Variants in STK33 observed in about 807,000 individuals in gnomAD.
STK33 encodes the protein serine/threonine kinase 33.
A neutral mutation model predicts 58.0 loss-of-function variants in STK33; 52 were observed. The observed-to-expected ratio is 0.90, with a 90% confidence interval of 0.72 to 1.13. The LOEUF is 1.13. STK33 is among the 50% of genes most tolerant of loss of function. The pLI is 0.00. For missense variants in STK33, 630 were observed against 604.2 expected (o/e 1.04, Z -0.45); for synonymous variants, 215 against 200.1 (o/e 1.07, Z -0.63).
chr11:8,527,134 T>C (rs1427780660), intron 1 of STK33, among the ~76,000 whole-genome samples: 1 of 151,824 alleles, frequency 6.6e-6, no homozygotes, highest in Non-Finnish European at 1.5e-5. Flanking sequence ...CTAACATATA[T>C]ATATATATAG....
At chr11:8,495,076 A>G (rs1366335456) in intron 1 of STK33, among the ~76,000 whole-genome samples, 1 of 152,212 alleles carries the variant, frequency 6.6e-6, no homozygotes, top group African/African-American at 2.4e-5. Context: ...AATGGCAACA[A>G]AAGCCGAAAT....
chr11:8,588,883 T>G (rs878984410), intron 1 of STK33, among the ~76,000 whole-genome samples: 2 of 152,140 alleles, frequency 1.3e-5, no homozygotes, highest in African/African-American at 4.8e-5. Context: ...AAAGAAGATA[T>G]ACAAATTGCA....
chr11:8,437,138 A>T (rs934290322), intron 12 of STK33, among the ~76,000 whole-genome samples: 1 of 152,252 alleles, frequency 6.6e-6, no homozygotes, highest in Non-Finnish European at 1.5e-5. Flanking sequence ...TTGGCCTGAA[A>T]GGGTGAAAGC....
intron 11 of STK33, among the ~76,000 whole-genome samples, chr11:8,444,698 C>A (rs118131354): frequency 0.053 from 8,062 of 151,828 alleles, 289 homozygotes; most frequent in Non-Finnish European, 0.071. Flanking sequence ...ATAAAAGAAA[C>A]AATTTTCTAG....
chr11:8,346,851 G>T, the STK33 span, among the ~76,000 whole-genome samples: 2 of 152,202 alleles, frequency 1.3e-5, no homozygotes, highest in African/African-American at 2.4e-5. Context: ...GTACAGGAAG[G>T]CCCGAGCTCT....
chr11:8,391,037 C>T (rs934055356), downstream of STK33, among the ~76,000 whole-genome samples: 2 of 152,164 alleles, frequency 1.3e-5, no homozygotes, highest in Admixed American at 6.5e-5. Flanking sequence ...TGCTTCTCCC[C>T]GCCGGAGGTG....
chr11:8,406,206 T>C (rs1257343248), intron 15 of STK33, among the ~76,000 whole-genome samples: 1 of 150,152 alleles, frequency 6.7e-6, no homozygotes, highest in East Asian at 2.0e-4. Flanking sequence ...ATTTCTAGAC[T>C]CCCAATTTTG....
the STK33 span, among the ~76,000 whole-genome samples, chr11:8,369,825 C>A: frequency 3.3e-5 from 5 of 152,232 alleles, no homozygotes; most frequent in Admixed American, 3.3e-4. Context: ...AGGATTGGGG[C>A]TGGGGGCTAG....
In STK33 at chr11:8,572,253, G is replaced by A. The variant is rs1591845413; in HGVS notation, c.-466+21830C>T. On this transcript the variant is annotated intron_variant, in intron 1 of 15. Transcript: ENST00000687296. ...GGGCAGCAAGTAGAATTTTCAGAAGGGTTTCATCTTGACAACAGAGATAAA... is the reference window on the plus strand; with the variant it reads ...GGGCAGCAAGTAGAATTTTCAGAAGAGTTTCATCTTGACAACAGAGATAAA... Among the ~76,000 whole-genome samples, 3 of 151,952 alleles carry A rather than the reference G, an allele frequency of 2.0e-5. No individual in the cohort carries two copies. The Middle Eastern group carries it at 0.01, about 517-fold the overall frequency.
chr11:8,536,938 T>A, intron 1 of STK33, among the ~76,000 whole-genome samples: 1 of 111,828 alleles, frequency 8.9e-6, no homozygotes, highest in East Asian at 3.1e-4. Context: ...TGCACTGCCA[T>A]ACCCAGCTAA....
intron 1 of STK33, among the ~76,000 whole-genome samples, chr11:8,509,093 G>A (rs535258226): frequency 8.6e-4 from 107 of 123,906 alleles, no homozygotes; most frequent in Non-Finnish European, 5.7e-4. Context: ...TCCAGCCTGG[G>A]CAACAAGAGC....
intron 1 of STK33, among the ~76,000 whole-genome samples, chr11:8,522,447 G>T (rs1388108795): frequency 6.6e-6 from 1 of 150,850 alleles, no homozygotes; most frequent in Non-Finnish European, 1.5e-5. Flanking sequence ...ACACAGGGTG[G>T]GGAACATCAC....
intron 1 of STK33, among the ~76,000 whole-genome samples, chr11:8,503,785 T>C (rs543234761): frequency 6.6e-6 from 1 of 152,270 alleles, no homozygotes; most frequent in African/African-American, 2.4e-5. Flanking sequence ...TTCCAGCCTC[T>C]TATTATGATG....
the STK33 span, among the ~76,000 whole-genome samples, chr11:8,363,582 C>A: frequency 6.6e-6 from 1 of 152,204 alleles, no homozygotes; most frequent in Non-Finnish European, 1.5e-5. Context: ...GGCTTCTTCC[C>A]AGCGTTGTCT....
intron 11 of STK33, among the ~76,000 whole-genome samples, chr11:8,444,222 T>C (rs1049448762): frequency 6.6e-6 from 1 of 152,186 alleles, no homozygotes; most frequent in Non-Finnish European, 1.5e-5. Context: ...TACAAAGAGC[T>C]AAAATTCAGG....
downstream of STK33, among the ~76,000 whole-genome samples, chr11:8,388,574 T>C (rs756105478): frequency 3.3e-5 from 5 of 152,220 alleles, no homozygotes; most frequent in African/African-American, 9.7e-5. Flanking sequence ...AATGCTTTTG[T>C]AAAGTGATTT....
intron 1 of STK33, among the ~76,000 whole-genome samples, chr11:8,500,288 C>A (rs532054060): frequency 1.3e-5 from 2 of 151,934 alleles, no homozygotes; most frequent in Admixed American, 6.6e-5. Context: ...GTGACATGAT[C>A]CTGTATGGAA....
chr11:8,475,101 T>C, intron 4 of STK33, 35 bp from the exon 5 acceptor site: 1 of 473,370 alleles, frequency 2.1e-6, no homozygotes, highest in Non-Finnish European at 3.7e-6. Context: ...TTTAGAGAAA[T>C]TCTTAACCTA....
chr11:8,467,351 T>TTCCACCAGATACCCTA (rs1948308662), intron 6 of STK33: 1 of 153,638 alleles, frequency 6.5e-6, no homozygotes, highest in Non-Finnish European at 1.4e-5. Context: ...TAGAAATTTC[T>TTCCACCAGATACCCTA]TCCACCAGAT....
Sources: gnomAD v4.1 joint callset for allele counts (sites outside exome capture counted in the v4.1 genomes callset) on GRCh38, gnomAD v4.1.1 for gene constraint, MANE v1.5 for transcripts, NCBI Gene and HGNC (gene_info 2026-07-23, HGNC 2026-07-21) for gene names.